The following SLC24A3 variants were observed in gnomAD, a reference collection of about 807,000 sequenced individuals.
SLC24A3 encodes sodium/potassium/calcium exchanger 3.
Under a neutral mutation model 75.8 loss-of-function variants are expected in SLC24A3, and 28 were observed. The ratio of observed to expected loss-of-function variants is 0.37; its 90% confidence interval spans 0.27 to 0.51. The LOEUF (loss-of-function observed/expected upper bound fraction) is 0.51. SLC24A3 is among the 20% of genes least tolerant of loss of function. SLC24A3 has a pLI of 0.94. For synonymous variants in SLC24A3, 372 were observed against 334.1 expected (o/e 1.11, Z -1.24); for missense variants, 663 against 847.8 (o/e 0.78, Z 2.71).
At chr20:19,485,181 C>T (rs1988111257) in intron 2 of SLC24A3, among the ~76,000 whole-genome samples, 1 of 152,112 alleles carries the variant, frequency 6.6e-6, no homozygotes, top group Non-Finnish European at 1.5e-5. Flanking sequence ...AATTTATCTT[C>T]TAAATATTCT....
intron 2 of SLC24A3, among the ~76,000 whole-genome samples, chr20:19,468,033 A>G (rs1375353428): frequency 6.6e-6 from 1 of 152,092 alleles, no homozygotes; most frequent in Non-Finnish European, 1.5e-5. Context: ...ATGAGGTTGG[A>G]GAAGCATCAT....
intron 12 of SLC24A3, among the ~76,000 whole-genome samples, chr20:19,691,323 C>T (rs1324762378): frequency 1.3e-5 from 2 of 152,182 alleles, no homozygotes; most frequent in African/African-American, 4.8e-5. Context: ...AGGCAGAAGA[C>T]CTGCGAGGGC....
Position 19,228,361 on chromosome 20 carries a change from C to T in SLC24A3, c.142+15377C>T, listed in dbSNP as rs369803976. ...TTCTATATTAGAAAAAAATCAGGGC[C>T]GGGCGCGGTGGCTCACGCCTGTAAT... On this transcript the variant is annotated intron_variant, in intron 1 of 16. Transcript: ENST00000328041. 6.8e-4 allele frequency among the ~76,000 whole-genome samples: 103 copies of T among 152,184 alleles called. 1 individual carries two copies. The South Asian group carries it at 0.013, about 19-fold the overall frequency.
intron 3 of SLC24A3, among the ~76,000 whole-genome samples, chr20:19,539,965 C>T (rs1409403348): frequency 6.6e-6 from 1 of 152,088 alleles, no homozygotes; most frequent in Non-Finnish European, 1.5e-5. Context: ...TGAGAGTCTT[C>T]AAGGGAGATG....
chr20:19,689,347 T>G (rs2032718866), intron 12 of SLC24A3, among the ~76,000 whole-genome samples: 1 of 152,236 alleles, frequency 6.6e-6, no homozygotes, highest in Non-Finnish European at 1.5e-5. Flanking sequence ...GAACATAATT[T>G]AGAAACAAAT....
chr20:19,635,810 G>A (rs1422213278), intron 6 of SLC24A3, among the ~76,000 whole-genome samples: 1 of 152,092 alleles, frequency 6.6e-6, no homozygotes, highest in African/African-American at 2.4e-5. Context: ...TTACTTTCAT[G>A]GCAGCTTAGG....
chr20:19,507,481 G>A (rs1413358116), intron 2 of SLC24A3, among the ~76,000 whole-genome samples: 4 of 152,316 alleles, frequency 2.6e-5, no homozygotes, highest in South Asian at 4.1e-4. Flanking sequence ...TTGGGGTTGG[G>A]GATTCTGGTA....
chr20:19,231,512 G>A (rs754110506), intron 1 of SLC24A3, among the ~76,000 whole-genome samples: 1 of 152,216 alleles, frequency 6.6e-6, no homozygotes, highest in Non-Finnish European at 1.5e-5. Flanking sequence ...AGGTCAGAAT[G>A]ATGTCATTAC....
intron 2 of SLC24A3, among the ~76,000 whole-genome samples, chr20:19,409,796 T>C (rs973310289): frequency 6.6e-6 from 1 of 151,978 alleles, no homozygotes; most frequent in African/African-American, 2.4e-5. Flanking sequence ...CACAGTTATA[T>C]AACTGTGCTA....
At chr20:19,246,141 T>A (rs769929786) in intron 1 of SLC24A3, among the ~76,000 whole-genome samples, 10 of 152,192 alleles carry the variant, frequency 6.6e-5, no homozygotes, top group Admixed American at 2.6e-4. Context: ...GTTAAATTAT[T>A]TGACTACAGA....
chr20:19,560,002 G>A (rs1053799094), intron 3 of SLC24A3, among the ~76,000 whole-genome samples: 1 of 152,070 alleles, frequency 6.6e-6, no homozygotes, highest in Non-Finnish European at 1.5e-5. Context: ...AACTACTAGT[G>A]TTACATTAAC....
At chr20:19,713,091 T>G (rs2033007563) in intron 15 of SLC24A3, among the ~76,000 whole-genome samples, 1 of 152,170 alleles carries the variant, frequency 6.6e-6, no homozygotes, top group African/African-American at 2.4e-5. Context: ...GTGGTGGGAA[T>G]TTTACCATGT....
At chr20:19,448,629 C>T (rs901155988) in intron 2 of SLC24A3, among the ~76,000 whole-genome samples, 1 of 152,160 alleles carries the variant, frequency 6.6e-6, no homozygotes, top group Non-Finnish European at 1.5e-5. Flanking sequence ...GGATGAGGCT[C>T]CCACAGTCAT....
intron 6 of SLC24A3, among the ~76,000 whole-genome samples, chr20:19,603,252 GTC>G (rs561694813): frequency 2.0e-5 from 3 of 152,210 alleles, no homozygotes; most frequent in Non-Finnish European, 4.4e-5. Flanking sequence ...GGTCTGGGCA[GTC>G]CTGGCCACAC....
chr20:19,669,113 A>G (rs2424246), intron 8 of SLC24A3, among the ~76,000 whole-genome samples: 66,717 of 152,056 alleles, frequency 0.44, 17,236 homozygotes, highest in African/African-American at 0.73. Flanking sequence ...TTGCTGCCTC[A>G]ACCTAGTGGG....
rs2031630906 is a variant in SLC24A3, at chr20:19,608,728, T to A, written c.612+23184T>A. ...GTTGATCTAAGTTCAGCATTCATTA[T>A]CTGAATCACTGCTGTTGGCAGGTTG... On this transcript the variant is annotated intron_variant, in intron 6 of 16. Transcript: ENST00000328041. 2.0e-5 allele frequency among the ~76,000 whole-genome samples: 3 copies of A among 152,236 alleles called. 1 individual carries two copies. In the South Asian group the frequency reaches 6.2e-4, roughly 32 times the overall value.
intron 3 of SLC24A3, among the ~76,000 whole-genome samples, chr20:19,569,146 C>T (rs1320125356): frequency 6.6e-6 from 1 of 152,260 alleles, no homozygotes; most frequent in South Asian, 2.1e-4. Context: ...CCCTGGCCAG[C>T]CCCCAGCACT....
At chr20:19,548,413 TA>T (rs1190275256) in intron 3 of SLC24A3, among the ~76,000 whole-genome samples, 1 of 152,252 alleles carries the variant, frequency 6.6e-6, no homozygotes, top group Non-Finnish European at 1.5e-5. Flanking sequence ...CATTTGACTC[TA>T]AATAGGTCTG....
chr20:19,318,385 G>T (rs1344035135), intron 2 of SLC24A3, among the ~76,000 whole-genome samples: 5 of 152,204 alleles, frequency 3.3e-5, no homozygotes, highest in Non-Finnish European at 7.3e-5. Flanking sequence ...AATTAGCCAT[G>T]ATGAGGAGGC....
Sources: allele counts gnomAD v4.1 joint callset (sites outside exome capture counted in the v4.1 genomes callset), GRCh38; gene constraint gnomAD v4.1.1; transcripts MANE v1.5; gene names NCBI Gene and HGNC (gene_info 2026-07-23, HGNC 2026-07-21).